The following SLC5A4 variants were observed in gnomAD, a reference collection of about 807,000 sequenced individuals.
The protein encoded by SLC5A4 is solute carrier family 5 member 4, also known as probable glucose sensor protein SLC5A4.
A neutral mutation model predicts 70.3 loss-of-function variants in SLC5A4; 55 were observed. The ratio of observed to expected loss-of-function variants is 0.78; its 90% CI spans 0.63 to 0.98. The LOEUF is 0.98. Among genes scored for constraint, SLC5A4 ranks in the 50% least tolerant of loss-of-function variants. The pLI is 0.00. For missense variants in SLC5A4, 735 were observed against 839.2 expected (o/e 0.88, Z 1.53); for synonymous variants, 268 against 305.7 (o/e 0.88, Z 1.29).
intron 9 of SLC5A4, among the ~76,000 whole-genome samples, chr22:32,231,592 A>C (rs1925766372): frequency 6.6e-6 from 1 of 152,246 alleles, no homozygotes; most frequent in African/African-American, 2.4e-5. Context: ...GTTTTTGCTT[A>C]AACAACATTA....
At chr22:32,300,519 C>T in the SLC5A4 span, among the ~76,000 whole-genome samples, 3 of 151,590 alleles carry the variant, frequency 2.0e-5, no homozygotes, top group Non-Finnish European at 2.9e-5. Context: ...TGCTTCGGCT[C>T]GCACACGGTG....
At chr22:32,247,561 C>A (rs770199992) in intron 4 of SLC5A4, 46 bp from the exon 5 acceptor site, 1 of 1,233,044 alleles carries the variant, frequency 8.1e-7, no homozygotes, top group South Asian at 1.2e-5. Context: ...CCTTAGGGCC[C>A]TGTGCGTTCA....
At chr22:32,270,754 G>A in the SLC5A4 span, 1 of 628,478 alleles carries the variant, frequency 1.6e-6, no homozygotes, top group South Asian at 1.6e-5. Context: ...GCAGTGCACT[G>A]TAGGCAACCC....
intron 13 of SLC5A4, among the ~76,000 whole-genome samples, chr22:32,223,161 AGTGCCCTG>A (rs1279836070): frequency 6.6e-6 from 1 of 152,222 alleles, no homozygotes; most frequent in Non-Finnish European, 1.5e-5. Context: ...CATAATGTTC[AGTGCCCTG>A]TGTTTGTGTG....
chr22:32,350,847 C>A, the SLC5A4 span, among the ~76,000 whole-genome samples: 1 of 147,560 alleles, frequency 6.8e-6, no homozygotes, highest in African/African-American at 2.5e-5. Context: ...AAAAATGATA[C>A]AATATATATT....
chr22:32,351,460 C>A, the SLC5A4 span, among the ~76,000 whole-genome samples: 1 of 151,636 alleles, frequency 6.6e-6, no homozygotes, highest in Admixed American at 6.6e-5. Context: ...TCCAAGCACT[C>A]TGAGAGGCTG....
intron 1 of SLC5A4, among the ~76,000 whole-genome samples, chr22:32,254,506 A>G (rs1258747904): frequency 6.6e-6 from 1 of 152,184 alleles, no homozygotes; most frequent in Non-Finnish European, 1.5e-5. Context: ...CATGCTTGCA[A>G]TAAAATTTGC....
Position 32,224,321 on chromosome 22 carries a change from G to T in SLC5A4, c.1611C>A (p.Ser537=). ...GGGAAATTCCCAGGGTGACCAGCATGGACCCAAAAAAGAGAACGATGGAAA... is the reference window on the plus strand; with the variant it reads ...GGGAAATTCCCAGGGTGACCAGCATTGACCCAAAAAAGAGAACGATGGAAA... ...LYFSIVLFFG[S]MLVTLGISLL... is the part of the protein sequence containing the mutation. Residue 537 remains serine (S), a synonymous_variant, in exon 13 of 15, where the codon TCC becomes TCA. Transcript: ENST00000266086. 6.2e-7 allele frequency: 1 copy of T among 1,614,008 alleles called. No individual in the cohort carries two copies. The highest frequency in any genetic ancestry group is 1.1e-5 in the South Asian group (1 of 91,076).
chr22:32,230,999 G>A lies in SLC5A4; in HGVS notation c.1098C>T (p.Tyr366=), dbSNP rs1963776201. The A allele has an allele frequency of 1.2e-6, 2 of 1,613,508 alleles. No individual in the cohort carries two copies. The highest frequency in any genetic ancestry group is 1.3e-5 in the African/African-American group (1 of 74,932). ...GCATCAGTTCCAGCACCATCGTGGGGTATGCGTAGTTGGTGCAGCCAACAT... is the reference window on the plus strand; with the variant it reads ...GCATCAGTTCCAGCACCATCGTGGGATATGCGTAGTTGGTGCAGCCAACAT... ...GVDVGCTNYA[Y]PTMVLELMPQ... The change falls in exon 10 of 15, where the codon TAC becomes TAT. Residue 366 remains tyrosine, a synonymous_variant. Coordinates refer to ENST00000266086, the MANE Select transcript of SLC5A4 (RefSeq NM_014227.3).
chr22:32,324,340 A>G, the SLC5A4 span, among the ~76,000 whole-genome samples: 12 of 150,930 alleles, frequency 8.0e-5, no homozygotes, highest in South Asian at 2.5e-3. Flanking sequence ...TTCAAAATCA[A>G]TGACTTTTTA....
chr22:32,224,596 A>G, intron 12 of SLC5A4, 114 bp from the exon 13 acceptor site: 1 of 787,330 alleles, frequency 1.3e-6, no homozygotes, highest in Non-Finnish European at 2.1e-6. Context: ...ACAAATGGCT[A>G]ACCTTGGGCA....
chr22:32,322,132 C>G, the SLC5A4 span, among the ~76,000 whole-genome samples: 2 of 152,128 alleles, frequency 1.3e-5, no homozygotes, highest in African/African-American at 4.8e-5. Flanking sequence ...GCTCAACATT[C>G]TAGACCTAAG....
chr22:32,334,996 C>T, the SLC5A4 span, among the ~76,000 whole-genome samples: 1 of 152,350 alleles, frequency 6.6e-6, no homozygotes, highest in African/African-American at 2.4e-5. Flanking sequence ...GGACGCTCCG[C>T]AGTGCTGGGC....
the SLC5A4 span, chr22:32,327,058 T>C: frequency 6.6e-6 from 1 of 152,202 alleles, no homozygotes; most frequent in Admixed American, 6.5e-5. Flanking sequence ...CAAGACTAAA[T>C]CTATGTTGTT....
At chr22:32,287,536 G>A in the SLC5A4 span, among the ~76,000 whole-genome samples, 1 of 151,976 alleles carries the variant, frequency 6.6e-6, no homozygotes, top group East Asian at 1.9e-4. Flanking sequence ...CAAGTAATAT[G>A]TCTCTTCTAG....
At chr22:32,229,072 T>C (rs896455406) in intron 11 of SLC5A4, 122 bp downstream of exon 11, 6 of 862,022 alleles carry the variant, frequency 7.0e-6, no homozygotes, top group Admixed American at 4.9e-5. Context: ...TACTCCAATG[T>C]CTCTTCCCTC....
chr22:32,334,624 G>C, the SLC5A4 span, among the ~76,000 whole-genome samples: 1 of 152,124 alleles, frequency 6.6e-6, no homozygotes, highest in Non-Finnish European at 1.5e-5. Context: ...TCCCTTAAAC[G>C]AACGGAACCA....
chr22:32,341,016 C>T, the SLC5A4 span, among the ~76,000 whole-genome samples: 5 of 151,982 alleles, frequency 3.3e-5, no homozygotes, highest in Non-Finnish European at 1.5e-5. Context: ...CAAGGTATTG[C>T]TGATGGAACA....
intron 5 of SLC5A4, among the ~76,000 whole-genome samples, chr22:32,241,567 G>A (rs760350851): frequency 4.6e-5 from 7 of 151,990 alleles, no homozygotes; most frequent in South Asian, 2.1e-4. Flanking sequence ...TGTTTCAGCC[G>A]GGCACAGTGG....
Sources: allele counts gnomAD v4.1 joint callset (sites outside exome capture counted in the v4.1 genomes callset), GRCh38; gene constraint gnomAD v4.1.1; transcripts MANE v1.5; gene names NCBI Gene and HGNC (gene_info 2026-07-23, HGNC 2026-07-21).